SYN3: variants seen among roughly 807,000 people sequenced by gnomAD.
The protein encoded by SYN3 is synapsin III, also known as synapsin-3.
In SYN3, 35 loss-of-function variants were observed where a neutral mutation model predicts 65.8. That is an observed-to-expected ratio of 0.53 (90% CI 0.41 to 0.70). The LOEUF (loss-of-function observed/expected upper bound fraction) is 0.70. Ranked by LOEUF, SYN3 falls within the 30% of genes least tolerant of loss-of-function variation. The pLI is 0.00. For synonymous variants in SYN3, 270 were observed against 292.9 expected (o/e 0.92, Z 0.80); for missense variants, 680 against 749.0 (o/e 0.91, Z 1.08).
chr22:32,534,588 C>G (rs79475831), intron 9 of SYN3, among the ~76,000 whole-genome samples: 2,054 of 152,314 alleles, frequency 0.013, 22 homozygotes, highest in Middle Eastern at 0.044. Context: ...GACTCTGACC[C>G]TGCAACAAGG....
chr22:33,036,726 T>C (rs1297621292), intron 1 of SYN3, among the ~76,000 whole-genome samples: 1 of 138,834 alleles, frequency 7.2e-6, no homozygotes, highest in African/African-American at 2.7e-5. Context: ...AGTTGCGCTC[T>C]TGTTGCCCAG....
chr22:32,518,198 C>T lies in SYN3; in HGVS notation c.1455G>A (p.Pro485=), dbSNP rs201331357. The T allele has an allele frequency of 2.4e-4, 391 of 1,613,850 alleles. No individual in the cohort carries two copies. The highest frequency in any genetic ancestry group is 2.7e-4 in the Non-Finnish European group (323 of 1,179,930). Residue 485 remains proline, a synonymous_variant, in exon 13 of 14, where the codon CCG becomes CCA. Transcript: ENST00000358763. ...SPQQQRSPGS[P]QLSRASSGSS... ...TGCCACTGGATGCCCGGGATAGCTG[C>T]GGAGAGCCTGGTGACCTTTGCTGCT...
chr22:32,719,131 G>C (rs891728689), intron 6 of SYN3, among the ~76,000 whole-genome samples: 2 of 152,152 alleles, frequency 1.3e-5, no homozygotes, highest in Admixed American at 6.5e-5. Context: ...AGGTCCTGGG[G>C]AGGAGGGGAT....
At chr22:32,981,722 A>G (rs1227424939) in intron 2 of SYN3, among the ~76,000 whole-genome samples, 1 of 152,214 alleles carries the variant, frequency 6.6e-6, no homozygotes, top group East Asian at 1.9e-4. Context: ...TCTAATCATT[A>G]TACGTTACAT....
At chr22:32,992,940 G>A (rs1327314873) in intron 2 of SYN3, among the ~76,000 whole-genome samples, 1 of 152,174 alleles carries the variant, frequency 6.6e-6, no homozygotes, top group Non-Finnish European at 1.5e-5. Flanking sequence ...TCTGGTAACA[G>A]CAGTTCTATT....
At chr22:32,708,986 G>A (rs1350395996) in intron 6 of SYN3, among the ~76,000 whole-genome samples, 1 of 152,212 alleles carries the variant, frequency 6.6e-6, no homozygotes. Flanking sequence ...CTCGAGCCCT[G>A]CGGGGCAGTG....
At position 32,508,832 on chromosome 22, in the gene SYN3, C is replaced by G. The variant is rs2057660509; in HGVS notation, c.*4860G>C. On this transcript the variant is annotated 3_prime_UTR_variant, in exon 14 of 14. Transcript: ENST00000358763. ...AGCAATGTGCTCTGAGCTTCACTCT[C>G]TTGACCCATGCACAAGATACCTGCA... 1.3e-5 allele frequency among the ~76,000 whole-genome samples: 2 copies of G among 151,238 alleles called. No homozygotes were observed.
At chr22:32,671,884 C>T (rs2060376425) in intron 6 of SYN3, among the ~76,000 whole-genome samples, 1 of 152,266 alleles carries the variant, frequency 6.6e-6, no homozygotes, top group Non-Finnish European at 1.5e-5. Context: ...CACACACACA[C>T]GTTTAGTGTA....
At chr22:33,026,000 C>G (rs2053636420) in intron 1 of SYN3, among the ~76,000 whole-genome samples, 1 of 152,168 alleles carries the variant, frequency 6.6e-6, no homozygotes, top group Non-Finnish European at 1.5e-5. Context: ...AAAGCATGTC[C>G]TGGCTGTCCC....
intron 7 of SYN3, among the ~76,000 whole-genome samples, chr22:32,564,671 A>AGACTGCACCCAAAGAGTGCTCTCG (rs1170384357): frequency 1.3e-4 from 19 of 145,324 alleles, no homozygotes; most frequent in Non-Finnish European, 2.6e-4. Flanking sequence ...CAGTGCTCCC[A>AGACTGCACCCAAAGAGTGCTCTCG]GACTGCACCC....
intron 6 of SYN3, among the ~76,000 whole-genome samples, chr22:32,829,317 T>G (rs1300494465): frequency 2.0e-5 from 3 of 152,218 alleles, no homozygotes; most frequent in African/African-American, 4.8e-5. Flanking sequence ...CTGTTGGTGC[T>G]GAAAGAATGC....
At chr22:33,040,175 T>C (rs569721354) in intron 1 of SYN3, among the ~76,000 whole-genome samples, 2 of 151,612 alleles carry the variant, frequency 1.3e-5, no homozygotes, top group Non-Finnish European at 2.9e-5. Context: ...TTAATAGAGA[T>C]TTTTGTATTT....
At chr22:32,778,351 C>G (rs879845335) in intron 6 of SYN3, among the ~76,000 whole-genome samples, 6 of 152,162 alleles carry the variant, frequency 3.9e-5, no homozygotes, top group African/African-American at 1.4e-4. Flanking sequence ...TGCAGAGGCA[C>G]GATCTTGGCT....
intron 1 of SYN3, among the ~76,000 whole-genome samples, chr22:33,028,695 TGGTGGTGGTGGTGGTGGTGG>T (rs1001688285): frequency 1.1e-4 from 13 of 122,130 alleles, no homozygotes; most frequent in Non-Finnish European, 1.9e-4. Context: ...GTGGTGATGG[TGGTGGTGGTGGTGGTGGTGG>T]GGTTGCTACC....
At chr22:32,926,747 A>C (rs1331296179) in intron 4 of SYN3, among the ~76,000 whole-genome samples, 1 of 152,216 alleles carries the variant, frequency 6.6e-6, no homozygotes, top group South Asian at 2.1e-4. Context: ...TTTACATTTA[A>C]TGTAATTATT....
chr22:32,963,654 C>T (rs1304002630), intron 3 of SYN3, among the ~76,000 whole-genome samples: 1 of 152,060 alleles, frequency 6.6e-6, no homozygotes, highest in Non-Finnish European at 1.5e-5. Flanking sequence ...TTATTTGCCT[C>T]CTCCAATGTC....
intron 6 of SYN3, among the ~76,000 whole-genome samples, chr22:32,665,756 C>T (rs901923969): frequency 1.3e-5 from 2 of 152,082 alleles, no homozygotes; most frequent in African/African-American, 4.8e-5. Context: ...TCTCAGGGGT[C>T]AGCTCTCAGA....
Position 32,757,677 on chromosome 22 carries a change from A to G in SYN3, c.711+107238T>C, listed in dbSNP as rs184899923. Among the ~76,000 whole-genome samples, 193 of 152,300 alleles carry G rather than the reference A, an allele frequency of 1.3e-3. 1 individual carries two copies. Among genetic ancestry groups the G allele is most frequent in the Admixed American group, 2.9e-3 (45 of 15,298 alleles). On this transcript the variant is annotated intron_variant, in intron 6 of 13. Transcript: ENST00000358763. ...GGGTTGATCGACCCCGACTATCAAGATGAAATCAGTCTACTACTCCATAAA... is the reference window on the plus strand; with the variant it reads ...GGGTTGATCGACCCCGACTATCAAGGTGAAATCAGTCTACTACTCCATAAA...
intron 2 of SYN3, among the ~76,000 whole-genome samples, chr22:32,998,160 T>C (rs1409462272): frequency 1.3e-5 from 2 of 152,166 alleles, no homozygotes; most frequent in African/African-American, 4.8e-5. Context: ...TACGTACCTA[T>C]TATCTGCCCT....
Sources: gnomAD v4.1 joint callset for allele counts (sites outside exome capture counted in the v4.1 genomes callset) on GRCh38, gnomAD v4.1.1 for gene constraint, MANE v1.5 for transcripts, NCBI Gene and HGNC (gene_info 2026-07-23, HGNC 2026-07-21) for gene names.